The following FLI1 variants were observed in gnomAD, a reference collection of about 807,000 sequenced individuals.
The protein encoded by FLI1 is Friend leukemia integration 1 transcription factor.
Under a neutral mutation model 53.1 loss-of-function variants are expected in FLI1, and 13 were observed. The ratio of observed to expected loss-of-function variants is 0.24; its 90% confidence interval spans 0.16 to 0.39. The LOEUF (loss-of-function observed/expected upper bound fraction) is 0.39. Among genes scored for constraint, FLI1 ranks in the 10% least tolerant of loss-of-function variants. The probability of loss-of-function intolerance (pLI) is 1.00; values close to 1 mark genes in which losing one functional copy is unlikely to be tolerated. For synonymous variants in FLI1, 244 were observed against 236.7 expected (o/e 1.03, Z -0.28); for missense variants, 424 against 600.5 (o/e 0.71, Z 3.07).
chr11:128,757,806 A>G (rs1202093352), intron 1 of FLI1, among the ~76,000 whole-genome samples: 1 of 152,204 alleles, frequency 6.6e-6, no homozygotes, highest in Non-Finnish European at 1.5e-5. Flanking sequence ...AGTCACCACT[A>G]TTCTTGGCCT....
intron 5 of FLI1, among the ~76,000 whole-genome samples, chr11:128,794,260 T>TC (rs1263530383): frequency 6.6e-6 from 1 of 152,082 alleles, no homozygotes; most frequent in African/African-American, 2.4e-5. Flanking sequence ...CCAAAATACT[T>TC]TGGGAAAAAA....
At position 128,731,860 on chromosome 11, in the gene FLI1, T is replaced by C. The variant is rs1214198572; in HGVS notation, c.19-26255T>C. Among the ~76,000 whole-genome samples the C allele has an allele frequency of 2.0e-5, 3 of 152,020 alleles. No individual in the cohort carries two copies. In the East Asian group the frequency reaches 5.8e-4, roughly 29 times the overall value. On this transcript the variant is annotated intron_variant, in intron 1 of 8. Transcript: ENST00000527786. ...TCTAATAAAAATACAAAAATTAGCT[T>C]AGTGTGGTGGCACACGCCTGTAATT...
intron 2 of FLI1, among the ~76,000 whole-genome samples, chr11:128,765,528 G>A (rs187573428): frequency 2.0e-5 from 3 of 152,238 alleles, no homozygotes; most frequent in African/African-American, 4.8e-5. Flanking sequence ...CCACCATCCT[G>A]CCCCCTGCTG....
chr11:128,748,699 G>T (rs1460566254), intron 1 of FLI1, among the ~76,000 whole-genome samples: 1 of 152,152 alleles, frequency 6.6e-6, no homozygotes, highest in Non-Finnish European at 1.5e-5. Flanking sequence ...GGCAGATTTG[G>T]CTGTGTGCTA....
At chr11:128,685,197 C>T (rs577389087), upstream of FLI1, among the ~76,000 whole-genome samples, 1 of 152,364 alleles carries the variant, frequency 6.6e-6, no homozygotes, top group African/African-American at 2.4e-5. Flanking sequence ...GCTGAGGCTG[C>T]TTGTGGGCAG....
chr11:128,807,099 A>G (rs1942801141), intron 6 of FLI1, 81 bp from the exon 7 acceptor site: 2 of 749,618 alleles, frequency 2.7e-6, no homozygotes, highest in Non-Finnish European at 4.2e-6. Flanking sequence ...GGAATGAGTG[A>G]GAAAGCACAT....
chr11:128,759,794 C>T (rs1205718211), intron 2 of FLI1, among the ~76,000 whole-genome samples: 2 of 152,210 alleles, frequency 1.3e-5, no homozygotes, highest in Non-Finnish European at 2.9e-5. Flanking sequence ...AACTGAAGCT[C>T]AGATAATCTT....
intron 1 of FLI1, among the ~76,000 whole-genome samples, chr11:128,714,070 G>T (rs1356941280): frequency 6.6e-6 from 1 of 152,170 alleles, no homozygotes; most frequent in Admixed American, 6.5e-5. Context: ...CATATCTATA[G>T]GTTAATATGC....
At chr11:128,742,323 C>T (rs1028246325) in intron 1 of FLI1, among the ~76,000 whole-genome samples, 1 of 152,210 alleles carries the variant, frequency 6.6e-6, no homozygotes, top group Admixed American at 6.5e-5. Context: ...GTGCCCAGCA[C>T]ATAGAAGATA....
chr11:128,719,666 G>A (rs937024825), intron 1 of FLI1, among the ~76,000 whole-genome samples: 1 of 152,152 alleles, frequency 6.6e-6, no homozygotes, highest in South Asian at 2.1e-4. Flanking sequence ...TGTTTCTGGG[G>A]CCTCATTTGC....
intron 1 of FLI1, among the ~76,000 whole-genome samples, chr11:128,715,721 C>G (rs1053245044): frequency 4.6e-5 from 7 of 152,074 alleles, no homozygotes; most frequent in Non-Finnish European, 7.4e-5. Context: ...GAATTCCACC[C>G]GTAAAGGTCA....
At chr11:128,733,120 G>A (rs569892851) in intron 1 of FLI1, among the ~76,000 whole-genome samples, 1 of 152,160 alleles carries the variant, frequency 6.6e-6, no homozygotes, top group Admixed American at 6.5e-5. Context: ...AGCTCCAAGG[G>A]AAAGGGCCGC....
At chr11:128,725,776 C>T (rs958714887) in intron 1 of FLI1, among the ~76,000 whole-genome samples, 1 of 151,984 alleles carries the variant, frequency 6.6e-6, no homozygotes, top group East Asian at 1.9e-4. Flanking sequence ...ACCACAAAAC[C>T]CCGTCTTGTG....
intron 1 of FLI1, among the ~76,000 whole-genome samples, chr11:128,709,241 T>C (rs932681010): frequency 1.3e-5 from 2 of 152,224 alleles, no homozygotes; most frequent in African/African-American, 2.4e-5. Context: ...AAAAGTAGTA[T>C]GGAAGTAAAA....
intron 5 of FLI1, among the ~76,000 whole-genome samples, chr11:128,798,530 A>G (rs915380394): frequency 6.6e-6 from 1 of 152,108 alleles, no homozygotes; most frequent in African/African-American, 2.4e-5. Flanking sequence ...TTGCCCATCT[A>G]ATATCTTCAA....
intron 2 of FLI1, chr11:128,764,895 G>A: frequency 6.7e-7 from 1 of 1,495,930 alleles, no homozygotes; most frequent in Non-Finnish European, 9.0e-7. Context: ...AACCAGGATG[G>A]TGCCAGCCCT....
chr11:128,790,252 C>CTTTTT (rs1942230081), intron 5 of FLI1, among the ~76,000 whole-genome samples: 1 of 107,170 alleles, frequency 9.3e-6, no homozygotes, highest in African/African-American at 5.3e-5. Flanking sequence ...CGGAGAGTTG[C>CTTTTT]ATTTTTTTTT....
At chr11:128,691,545 G>C (rs1937739157), upstream of FLI1, 1 of 152,146 alleles carries the variant, frequency 6.6e-6, no homozygotes, top group South Asian at 2.1e-4. Context: ...GTCCCAAAGG[G>C]CCGGGGTGCC....
intron 1 of FLI1, chr11:128,686,755 C>CT (rs1865811315): frequency 3.3e-6 from 1 of 305,326 alleles, no homozygotes; most frequent in Admixed American, 4.4e-5. Context: ...TCTACCCCAC[C>CT]CGGGCCTATG....
Sources: gnomAD v4.1 joint callset for allele counts (sites outside exome capture counted in the v4.1 genomes callset) on GRCh38, gnomAD v4.1.1 for gene constraint, MANE v1.5 for transcripts, NCBI Gene and HGNC (gene_info 2026-07-23, HGNC 2026-07-21) for gene names.